The following DPP6 variants were observed in gnomAD, a reference collection of about 807,000 sequenced individuals.
DPP6 encodes the protein dipeptidyl peptidase like 6, also known as A-type potassium channel modulatory protein DPP6.
DPP6 carries 69 observed loss-of-function variants against 122.6 expected under a neutral mutation model. The observed-to-expected ratio is 0.56, with a 90% CI of 0.46 to 0.69. The LOEUF is 0.69. Among genes scored for constraint, DPP6 ranks in the 30% least tolerant of loss-of-function variants. The pLI is 0.00. For missense variants in DPP6, 928 were observed against 1,116.9 expected (o/e 0.83, Z 2.41); for synonymous variants, 418 against 433.1 (o/e 0.97, Z 0.43).
chr7:153,986,125 C>A (rs1305157843), intron 1 of DPP6, among the ~76,000 whole-genome samples: 1 of 152,184 alleles, frequency 6.6e-6, no homozygotes, highest in Non-Finnish European at 1.5e-5. Context: ...TGATGTCCGA[C>A]CTACATCCCT....
intron 1 of DPP6, among the ~76,000 whole-genome samples, chr7:154,365,159 G>A (rs1165737756): frequency 2.0e-5 from 3 of 152,184 alleles, no homozygotes. Flanking sequence ...GACGAGTTCA[G>A]AAATTCATTG....
At chr7:154,326,839 T>C (rs1034958323) in intron 1 of DPP6, among the ~76,000 whole-genome samples, 3 of 152,218 alleles carry the variant, frequency 2.0e-5, no homozygotes, top group Non-Finnish European at 4.4e-5. Flanking sequence ...GGAATTCCTG[T>C]TCAATGATTG....
At chr7:154,525,699 C>T (rs1206634591) in intron 3 of DPP6, among the ~76,000 whole-genome samples, 4 of 151,744 alleles carry the variant, frequency 2.6e-5, no homozygotes, top group African/African-American at 4.8e-5. Context: ...GCATCCCGTA[C>T]ATTGTAAATA....
intron 1 of DPP6, among the ~76,000 whole-genome samples, chr7:154,257,680 A>G (rs1255215980): frequency 3.3e-5 from 5 of 151,964 alleles, no homozygotes; most frequent in Admixed American, 1.3e-4. Flanking sequence ...CTGGGCAACA[A>G]GAGTGAAAAC....
rs1295496818 is a variant in DPP6, at chr7:154,013,072, C to T, written c.51+125338C>T. Among the ~76,000 whole-genome samples, 5 of 152,242 alleles carry T rather than the reference C, an allele frequency of 3.3e-5. No homozygotes were observed. The East Asian group carries it at 9.6e-4, about 29-fold the overall frequency. Reference sequence around the variant, plus strand: ...TTTCTCCCACATTAAGGCCACTGCTCTCTGATAGTCTCTGCCTCTCCCAGG... The same window carrying T: ...TTTCTCCCACATTAAGGCCACTGCTTTCTGATAGTCTCTGCCTCTCCCAGG... On this transcript the variant is annotated intron_variant, in intron 1 of 25. Coordinates refer to the DPP6 transcript ENST00000404039.
intron 1 of DPP6, among the ~76,000 whole-genome samples, chr7:154,151,062 TAC>T: frequency 6.6e-6 from 1 of 152,360 alleles, no homozygotes; most frequent in Non-Finnish European, 1.5e-5. Flanking sequence ...GCGGACTGAC[TAC>T]CATTGTCCGT....
chr7:154,585,990 C>T (rs78806325), intron 5 of DPP6, among the ~76,000 whole-genome samples: 12,479 of 151,990 alleles, frequency 0.082, 582 homozygotes, highest in Non-Finnish European at 0.1. Context: ...AAAGAACCCC[C>T]TAAGTGCAGG....
chr7:153,965,256 T>G (rs995965136), intron 1 of DPP6, among the ~76,000 whole-genome samples: 1 of 152,106 alleles, frequency 6.6e-6, no homozygotes, highest in African/African-American at 2.4e-5. Flanking sequence ...GAGAATGGGT[T>G]GCCAGTTTGC....
At chr7:154,130,976 T>G (rs1795246473) in intron 1 of DPP6, among the ~76,000 whole-genome samples, 1 of 152,104 alleles carries the variant, frequency 6.6e-6, no homozygotes. Context: ...AGAGTCAACA[T>G]GAACATAAAC....
chr7:154,532,914 C>T (rs1038964715), intron 3 of DPP6, among the ~76,000 whole-genome samples: 9 of 152,178 alleles, frequency 5.9e-5, no homozygotes, highest in Non-Finnish European at 1.0e-4. Context: ...ATGCAAGAAT[C>T]CTCTGACTTT....
intron 1 of DPP6, among the ~76,000 whole-genome samples, chr7:154,208,447 G>C (rs777424968): frequency 6.6e-6 from 1 of 152,156 alleles, no homozygotes; most frequent in Non-Finnish European, 1.5e-5. Flanking sequence ...CAGACACCCC[G>C]CTGACTCATC....
rs370661643 is a variant in DPP6 at position 154,438,270 on chromosome 7, A to G, written c.244-7944A>G. 5.5e-4 allele frequency among the ~76,000 whole-genome samples: 83 copies of G among 152,156 alleles called. 1 individual carries two copies. The highest frequency in any genetic ancestry group is 4.1e-3 in the East Asian group (21 of 5,146). ...ATCACAAGGTCAGGAGATCGAGACC[A>G]TCCTGGCTGACACGGTGAAACCCCG... On this transcript the variant is annotated intron_variant, in intron 1 of 25. Coordinates refer to ENST00000377770, the MANE Select transcript of DPP6 (RefSeq NM_130797.4).
chr7:153,958,122 C>T (rs1795151430), intron 1 of DPP6, among the ~76,000 whole-genome samples: 1 of 152,122 alleles, frequency 6.6e-6, no homozygotes, highest in Non-Finnish European at 1.5e-5. Flanking sequence ...TGAGATCACA[C>T]CACTGCGCTC....
the DPP6 span, among the ~76,000 whole-genome samples, chr7:153,871,049 A>T: frequency 6.6e-6 from 1 of 152,182 alleles, no homozygotes. Context: ...GTGAGGTGTC[A>T]GTCTGCCCCT....
intron 1 of DPP6, among the ~76,000 whole-genome samples, chr7:154,439,960 A>C (rs760491530): frequency 6.6e-6 from 1 of 152,186 alleles, no homozygotes; most frequent in Non-Finnish European, 1.5e-5. Flanking sequence ...CTGAGCAGTG[A>C]GACGTCCCTT....
At chr7:154,210,101 T>C (rs935753086) in intron 1 of DPP6, among the ~76,000 whole-genome samples, 2 of 152,146 alleles carry the variant, frequency 1.3e-5, no homozygotes, top group Admixed American at 6.6e-5. Flanking sequence ...AGTCATTTGT[T>C]GGAAGAAAGG....
At chr7:154,739,236 T>A (rs986983504) in intron 8 of DPP6, among the ~76,000 whole-genome samples, 5 of 152,152 alleles carry the variant, frequency 3.3e-5, no homozygotes, top group Non-Finnish European at 7.4e-5. Context: ...AGGCCAGACA[T>A]GTCTGGGAGG....
chr7:154,128,694 C>G (rs1360803489), intron 1 of DPP6, among the ~76,000 whole-genome samples: 1 of 122,946 alleles, frequency 8.1e-6, no homozygotes, highest in African/African-American at 2.6e-5. Flanking sequence ...CAGCCCAAGA[C>G]TATTTTTAAA....
At chr7:154,463,320 G>T (rs1821479465) in intron 2 of DPP6, among the ~76,000 whole-genome samples, 1 of 145,568 alleles carries the variant, frequency 6.9e-6, no homozygotes, top group African/African-American at 2.6e-5. Flanking sequence ...CCATTCTCCT[G>T]CCTCAGCCTC....
Sources: gnomAD v4.1 joint callset for allele counts (sites outside exome capture counted in the v4.1 genomes callset) on GRCh38, gnomAD v4.1.1 for gene constraint, MANE v1.5 for transcripts, NCBI Gene and HGNC (gene_info 2026-07-23, HGNC 2026-07-21) for gene names.